GRK4: variants seen among roughly 807,000 people sequenced by gnomAD.
GRK4 encodes G protein-coupled receptor kinase 2-like.
GRK4 carries 73 observed loss-of-function variants against 77.9 expected under a neutral mutation model. That is an observed-to-expected ratio of 0.94 (90% CI 0.78 to 1.14). The LOEUF (loss-of-function observed/expected upper bound fraction) is 1.14. Among genes scored for constraint, GRK4 ranks in the 50% most tolerant of loss-of-function variants. The pLI is 0.00. For missense variants in GRK4, 729 were observed against 700.2 expected (o/e 1.04, Z -0.46); for synonymous variants, 257 against 254.4 (o/e 1.01, Z -0.10).
intron 13 of GRK4, among the ~76,000 whole-genome samples, chr4:3,035,826 T>A (rs553822588): frequency 2.6e-5 from 4 of 152,222 alleles, no homozygotes; most frequent in Admixed American, 2.6e-4. Context: ...TCCTACCTGG[T>A]TCTTCTTCCC....
chr4:3,007,076 C>G (rs957047705), intron 5 of GRK4, among the ~76,000 whole-genome samples: 2 of 152,058 alleles, frequency 1.3e-5, no homozygotes, highest in Non-Finnish European at 2.9e-5. Flanking sequence ...GTGGCTTACA[C>G]CTGTAGTCCC....
intron 6 of GRK4, 123 bp from the exon 7 acceptor site, chr4:3,009,525 C>T (rs1282549845): frequency 3.0e-6 from 2 of 662,334 alleles, no homozygotes; most frequent in African/African-American, 1.8e-5. Context: ...ACCCTTTGTC[C>T]CGGGCATCCC....
At chr4:3,004,571 C>T (rs1730755961) in intron 5 of GRK4, among the ~76,000 whole-genome samples, 1 of 152,154 alleles carries the variant, frequency 6.6e-6, no homozygotes, top group South Asian at 2.1e-4. Flanking sequence ...AGAAGCCTTA[C>T]TGATAACATA....
intron 9 of GRK4, among the ~76,000 whole-genome samples, chr4:3,020,325 C>G (rs1331273056): frequency 6.6e-6 from 1 of 152,004 alleles, no homozygotes; most frequent in Non-Finnish European, 1.5e-5. Flanking sequence ...AATAAATTGT[C>G]TTTTTGAAGC....
At chr4:3,007,712 T>C in intron 5 of GRK4, 24 bp from the exon 6 acceptor site, 4 of 1,464,412 alleles carry the variant, frequency 2.7e-6, no homozygotes, top group South Asian at 1.2e-5. Flanking sequence ...CAAATGTATA[T>C]AATTTTAAAA....
intron 1 of GRK4, among the ~76,000 whole-genome samples, chr4:2,970,560 A>T (rs1021282043): frequency 6.6e-6 from 1 of 151,430 alleles, no homozygotes; most frequent in African/African-American, 2.4e-5. Context: ...CGGGAGGCTG[A>T]GGCGGGAGAA....
intron 12 of GRK4, 113 bp from the exon 13 acceptor site, chr4:3,035,273 T>C (rs921045334): frequency 2.1e-5 from 22 of 1,038,956 alleles, no homozygotes; most frequent in Non-Finnish European, 3.3e-5. Context: ...AAATGATTTG[T>C]TAGATGCACC....
At chr4:2,981,386 G>A (rs1239869262) in intron 1 of GRK4, among the ~76,000 whole-genome samples, 2 of 152,184 alleles carry the variant, frequency 1.3e-5, no homozygotes, top group Non-Finnish European at 2.9e-5. Flanking sequence ...GTGCTTTATT[G>A]AGTGACAGTA....
chr4:3,035,037 C>T (rs1011481833), intron 12 of GRK4, among the ~76,000 whole-genome samples: 19 of 151,844 alleles, frequency 1.3e-4, no homozygotes, highest in African/African-American at 4.6e-4. Flanking sequence ...GCGGGTGGAT[C>T]ACGAGGTCAG....
chr4:3,011,204 T>C (rs1273260152), intron 7 of GRK4, among the ~76,000 whole-genome samples: 3 of 152,220 alleles, frequency 2.0e-5, no homozygotes, highest in Non-Finnish European at 4.4e-5. Flanking sequence ...AATGAAAGTC[T>C]AATTATAGCC....
intron 10 of GRK4, among the ~76,000 whole-genome samples, chr4:3,026,386 A>T (rs2857845): frequency 0.11 from 16,644 of 152,212 alleles, 1,247 homozygotes; most frequent in Non-Finnish European, 0.16. Flanking sequence ...TAAGACAATG[A>T]TACGAAAAAA....
In GRK4 at chr4:3,029,199, A is replaced by G. The variant is rs758887337; in HGVS notation, c.1061-2A>G. The stretch of plus-strand genomic sequence containing the variant: ...TTTCCATTTCCTGTATTTGTTATGT[A>G]GCACCTGAAGTTGTCAATAATGAAA... On this transcript the variant is annotated splice_acceptor_variant, in intron 11 of 15. Transcript: ENST00000398052. LOFTEE classifies it high-confidence loss of function. 5 of 1,602,882 alleles carry G rather than the reference A, an allele frequency of 3.1e-6. No homozygotes were observed. Among genetic ancestry groups the G allele is most frequent in the Admixed American group, 3.4e-5 (2 of 58,916 alleles).
At chr4:3,001,659 G>A (rs1287165107) in intron 4 of GRK4, among the ~76,000 whole-genome samples, 2 of 152,062 alleles carry the variant, frequency 1.3e-5, no homozygotes, top group Non-Finnish European at 2.9e-5. Flanking sequence ...GAGCCACCAC[G>A]CCCGCCCGAG....
At position 3,028,023 on chromosome 4, in the gene GRK4, T is replaced by A. The variant is rs772563738; in HGVS notation, c.1060+22T>A. 5 of 1,607,648 alleles carry A rather than the reference T, an allele frequency of 3.1e-6. No individual in the cohort carries two copies. The South Asian group carries it at 5.5e-5, about 18-fold the overall frequency. On this transcript the variant is annotated intron_variant, in intron 11 of 15. Transcript: ENST00000398052. ...ATGGGTTCGTGAGAGGCTTTCGGCG[T>A]CCTTGTCCTTTCTATCCGGGTGCCT... is the stretch of plus-strand genomic sequence containing the variant.
At chr4:3,004,801 G>A (rs147163191) in intron 5 of GRK4, among the ~76,000 whole-genome samples, 161 of 152,260 alleles carry the variant, frequency 1.1e-3, no homozygotes, top group Middle Eastern at 0.01. Flanking sequence ...TGGTCTTGCT[G>A]TCTCAGGGGT....
At chr4:3,037,284 TC>T in intron 13 of GRK4, 89 bp from the exon 14 acceptor site, 7 of 1,302,938 alleles carry the variant, frequency 5.4e-6, no homozygotes, top group Non-Finnish European at 7.4e-6. Context: ...TGTTTATGCG[TC>T]AGTTTGCTGG....
Position 2,988,576 on chromosome 4 carries a change from A to AAAC in GRK4, c.149-133_149-131dup, listed in dbSNP as rs1553879888. 61 of 500,054 alleles carry AAAC rather than the reference A, an allele frequency of 1.2e-4. No individual in the cohort carries two copies. In the Middle Eastern group the frequency reaches 3.0e-3, roughly 25 times the overall value. 31.0% of individuals were successfully genotyped at this position (500,054 alleles called of 1,614,324 possible). ...ACAGAGGAGGGAGACTGTCTGAAACAAACAACAACAACAACAACAAGATGA... is the reference window on the plus strand; with the variant it reads ...ACAGAGGAGGGAGACTGTCTGAAACAAACAACAACAACAACAACAACAAGATGA... On this transcript the variant is annotated intron_variant, in intron 2 of 15. Coordinates refer to ENST00000398052, the MANE Select transcript of GRK4 (RefSeq NM_182982.3).
At chr4:3,021,538 G>A (rs1736082899) in intron 9 of GRK4, among the ~76,000 whole-genome samples, 1 of 152,198 alleles carries the variant, frequency 6.6e-6, no homozygotes. Context: ...CCAGAGACCA[G>A]GCTTGGCAGT....
rs1425584430 is a variant in GRK4, at chr4:2,992,272, G to C, written c.319G>C (p.Asp107His). ...DRSDCGLSIL[D>H]RFFNDKLAAP... ...AAGTGATTGTGGACTGTCAATCTTA[G>C]ATAGATTCTTCAATGATAAGGTGTG... Residue 107 changes from aspartate (D) to histidine (H), a missense_variant, in exon 4 of 16, where the codon GAT (aspartate) becomes CAT (histidine). Coordinates refer to ENST00000398052, the MANE Select transcript of GRK4 (RefSeq NM_182982.3). The C allele has an allele frequency of 1.2e-6, 2 of 1,605,722 alleles. No individual in the cohort carries two copies. The highest frequency in any genetic ancestry group is 1.7e-5 in the Admixed American group (1 of 59,954).
Sources: gnomAD v4.1 joint callset for allele counts (sites outside exome capture counted in the v4.1 genomes callset) on GRCh38, gnomAD v4.1.1 for gene constraint, MANE v1.5 for transcripts, NCBI Gene and HGNC (gene_info 2026-07-23, HGNC 2026-07-21) for gene names.